CNTN5: variants seen among roughly 807,000 people sequenced by gnomAD.
The protein encoded by CNTN5 is contactin-5.
CNTN5 carries 77 observed loss-of-function variants against 129.1 expected under a neutral mutation model. That is an observed-to-expected ratio of 0.60 (90% confidence interval 0.50 to 0.72). The LOEUF (loss-of-function observed/expected upper bound fraction) is 0.72. CNTN5 is among the 30% of genes least tolerant of loss of function. The pLI, the probability that CNTN5 is intolerant of heterozygous loss-of-function variation, is 0.00. For synonymous variants in CNTN5, 509 were observed against 465.6 expected (o/e 1.09, Z -1.20); for missense variants, 1,478 against 1,328.8 (o/e 1.11, Z -1.75).
intron 1 of CNTN5, among the ~76,000 whole-genome samples, chr11:99,127,399 T>C (rs550268982): frequency 3.4e-4 from 52 of 152,308 alleles, no homozygotes; most frequent in African/African-American, 1.0e-3. Flanking sequence ...TCTAATATTA[T>C]CTTCTCATCC....
intron 1 of CNTN5, among the ~76,000 whole-genome samples, chr11:99,243,104 G>A (rs1321888049): frequency 1.3e-5 from 2 of 152,246 alleles, no homozygotes; most frequent in African/African-American, 2.4e-5. Flanking sequence ...TCACAACAGT[G>A]TATAAGCATT....
intron 2 of CNTN5, among the ~76,000 whole-genome samples, chr11:99,397,553 G>C (rs114085972): frequency 0.014 from 2,164 of 151,530 alleles, 35 homozygotes; most frequent in African/African-American, 0.048. Flanking sequence ...ATTTGTATTA[G>C]TTGGATACTC....
At chr11:99,442,806 C>T (rs1477757467) in intron 2 of CNTN5, among the ~76,000 whole-genome samples, 1 of 152,172 alleles carries the variant, frequency 6.6e-6, no homozygotes, top group Admixed American at 6.5e-5. Flanking sequence ...AATCTGTGGC[C>T]TGTTCCAAGT....
At chr11:100,265,921 A>G (rs1950293012) in intron 17 of CNTN5, among the ~76,000 whole-genome samples, 1 of 152,084 alleles carries the variant, frequency 6.6e-6, no homozygotes, top group African/African-American at 2.4e-5. Flanking sequence ...GTTTTTGATT[A>G]TGTCTACTTA....
chr11:99,678,337 C>G lies in CNTN5; in HGVS notation c.55+122068C>G, dbSNP rs188213592. On this transcript the variant is annotated intron_variant, in intron 3 of 24. Transcript: ENST00000524871. The stretch of plus-strand genomic sequence containing the variant: ...ATGTTACAAAGAAGGATTATATACT[C>G]TAATATATATATATGATTCAAATAT... 3.3e-3 allele frequency among the ~76,000 whole-genome samples: 492 copies of G among 150,360 alleles called. 4 individuals are homozygous for G. The highest frequency in any genetic ancestry group is 0.012 in the African/African-American group (473 of 39,900).
intron 6 of CNTN5, among the ~76,000 whole-genome samples, chr11:99,885,251 C>A (rs1948871920): frequency 6.6e-6 from 1 of 151,860 alleles, no homozygotes; most frequent in Non-Finnish European, 1.5e-5. Context: ...TGCTGCACTC[C>A]AGCCTGGGCA....
At chr11:99,462,654 G>C (rs539084059) in intron 2 of CNTN5, among the ~76,000 whole-genome samples, 15 of 152,212 alleles carry the variant, frequency 9.9e-5, no homozygotes, top group Middle Eastern at 3.4e-3. Context: ...AAAAGAGTCC[G>C]GTAGTACTGA....
intron 8 of CNTN5, among the ~76,000 whole-genome samples, chr11:100,000,341 C>G (rs902496262): frequency 1.3e-5 from 2 of 152,140 alleles, no homozygotes; most frequent in Non-Finnish European, 2.9e-5. Context: ...AAAGAGGCCA[C>G]AGGCCACATG....
At chr11:99,057,610 T>G (rs1864675025) in intron 1 of CNTN5, among the ~76,000 whole-genome samples, 1 of 152,146 alleles carries the variant, frequency 6.6e-6, no homozygotes, top group African/African-American at 2.4e-5. Flanking sequence ...ATTATGATCT[T>G]TTTTTTAGAT....
chr11:100,029,033 T>C (rs552736856), intron 9 of CNTN5, among the ~76,000 whole-genome samples: 1 of 151,748 alleles, frequency 6.6e-6, no homozygotes, highest in African/African-American at 2.4e-5. Flanking sequence ...TTTAAAAACT[T>C]AAAGACCAAG....
At chr11:99,806,816 CAAAAAA>C (rs34469797) in intron 3 of CNTN5, among the ~76,000 whole-genome samples, 1 of 128,776 alleles carries the variant, frequency 7.8e-6, no homozygotes, top group Admixed American at 7.9e-5. Context: ...CCACCCCCTG[CAAAAAA>C]AAAAAAAAAT....
chr11:100,052,001 A>G (rs1385461563), intron 9 of CNTN5, among the ~76,000 whole-genome samples: 4 of 151,972 alleles, frequency 2.6e-5, no homozygotes, highest in Admixed American at 2.0e-4. Flanking sequence ...GATGAATTCT[A>G]TCAAACATGT....
chr11:99,504,934 AT>A (rs996570697), intron 2 of CNTN5, among the ~76,000 whole-genome samples: 3 of 152,216 alleles, frequency 2.0e-5, no homozygotes, highest in African/African-American at 7.2e-5. Context: ...GGAGAAGAGA[AT>A]GTAAAAAGCA....
intron 21 of CNTN5, among the ~76,000 whole-genome samples, chr11:100,319,804 T>C (rs749832308): frequency 3.7e-4 from 57 of 152,296 alleles, no homozygotes; most frequent in Non-Finnish European, 6.8e-4. Flanking sequence ...CCATGTGGTA[T>C]TTGTCTTTCT....
At chr11:99,652,345 A>G (rs994852101) in intron 3 of CNTN5, among the ~76,000 whole-genome samples, 1 of 152,058 alleles carries the variant, frequency 6.6e-6, no homozygotes, top group Non-Finnish European at 1.5e-5. Context: ...AGCATCTTAC[A>G]TAACATAAAA....
chr11:99,025,626 G>A (rs2135065357), intron 1 of CNTN5, among the ~76,000 whole-genome samples: 1 of 151,698 alleles, frequency 6.6e-6, no homozygotes, highest in Non-Finnish European at 1.5e-5. Context: ...TTCATCATGA[G>A]GCTAAAAATA....
intron 3 of CNTN5, among the ~76,000 whole-genome samples, chr11:99,676,737 A>G (rs1953304147): frequency 6.6e-6 from 1 of 152,186 alleles, no homozygotes; most frequent in Non-Finnish European, 1.5e-5. Flanking sequence ...AAAAAAAATT[A>G]GTAAGTTCTT....
intron 3 of CNTN5, among the ~76,000 whole-genome samples, chr11:99,582,553 C>T (rs1030505698): frequency 1.3e-5 from 2 of 152,166 alleles, no homozygotes; most frequent in Admixed American, 1.3e-4. Flanking sequence ...CTCAACTTCT[C>T]TTCATGCTTC....
At chr11:99,848,663 A>G (rs992742728) in intron 6 of CNTN5, among the ~76,000 whole-genome samples, 2 of 152,134 alleles carry the variant, frequency 1.3e-5, no homozygotes, top group Non-Finnish European at 2.9e-5. Flanking sequence ...CTTGAGGCAT[A>G]TTTGCATATG....
Sources: gnomAD v4.1 joint callset for allele counts (sites outside exome capture counted in the v4.1 genomes callset) on GRCh38, gnomAD v4.1.1 for gene constraint, MANE v1.5 for transcripts, NCBI Gene and HGNC (gene_info 2026-07-23, HGNC 2026-07-21) for gene names.